Variants in TDRD9 observed in about 807,000 individuals in gnomAD.
The protein encoded by TDRD9 is tudor domain containing 9.
Under a neutral mutation model 172.6 loss-of-function variants are expected in TDRD9, and 124 were observed. The observed-to-expected ratio is 0.72, with a 90% CI of 0.62 to 0.83. The LOEUF is 0.83. Ranked by LOEUF, TDRD9 falls within the 40% of genes least tolerant of loss-of-function variation. The pLI is 0.00. For missense variants in TDRD9, 1,479 were observed against 1,714.1 expected (o/e 0.86, Z 2.42); for synonymous variants, 619 against 617.1 (o/e 1.00, Z -0.05).
At chr14:104,005,104 TTTC>T (rs1015846519) in intron 14 of TDRD9, 167 bp from the exon 15 acceptor site, 2 of 549,228 alleles carry the variant, frequency 3.6e-6, no homozygotes, top group Non-Finnish European at 6.3e-6. Flanking sequence ...TCTCCTGTTC[TTTC>T]TTCTTCTCTC....
chr14:103,997,879 GC>G lies in TDRD9; in HGVS notation c.1379-744del, dbSNP rs1327234034. 1.3e-5 allele frequency among the ~76,000 whole-genome samples: 2 copies of G among 152,208 alleles called. No homozygotes were observed. Among genetic ancestry groups the G allele is most frequent in the Non-Finnish European group, 2.9e-5 (2 of 68,032 alleles). On this transcript the variant is annotated intron_variant, in intron 12 of 35. Transcript: ENST00000409874. The surrounding 1 kb of genome is among the most constrained non-coding windows in gnomAD (Gnocchi z 5.1). ...GCAGCTTTGGTGGAAGCAAGCGTCT[GC>G]TTGGAGTGGGCTCAAGAAAGGATGG...
intron 24 of TDRD9, among the ~76,000 whole-genome samples, chr14:104,022,711 A>G (rs1005168978): frequency 1.4e-5 from 2 of 144,032 alleles, no homozygotes; most frequent in African/African-American, 5.0e-5. Flanking sequence ...TGGGCGACAG[A>G]ACAAGACGCT....
chr14:103,938,495 A>G (rs1382889936), intron 1 of TDRD9, among the ~76,000 whole-genome samples: 8 of 136,384 alleles, frequency 5.9e-5, no homozygotes, highest in African/African-American at 1.6e-4. Flanking sequence ...CTGGAGTGCA[A>G]TGGCGTGATC....
intron 7 of TDRD9, among the ~76,000 whole-genome samples, chr14:103,983,141 G>A (rs2033544142): frequency 7.8e-6 from 1 of 128,554 alleles, no homozygotes; most frequent in Admixed American, 9.5e-5. Flanking sequence ...TCAGCTCATT[G>A]TAACCTCTGC....
intron 1 of TDRD9, among the ~76,000 whole-genome samples, chr14:103,952,726 TC>T (rs1353398922): frequency 9.2e-4 from 100 of 108,434 alleles, no homozygotes; most frequent in Non-Finnish European, 1.4e-3. Flanking sequence ...AGGAATTCTC[TC>T]TCTTTTTTTT....
chr14:103,934,150 G>A (rs1181526515), intron 1 of TDRD9, among the ~76,000 whole-genome samples: 1 of 152,070 alleles, frequency 6.6e-6, no homozygotes, highest in Non-Finnish European at 1.5e-5. Flanking sequence ...CCAAGTAGCT[G>A]GGACTACAGG....
chr14:103,971,347 C>G (rs556781630), intron 6 of TDRD9, among the ~76,000 whole-genome samples: 13 of 151,808 alleles, frequency 8.6e-5, no homozygotes, highest in Non-Finnish European at 7.4e-5. Flanking sequence ...CTCTGTTGCC[C>G]AGGGTGGAGT....
intron 13 of TDRD9, among the ~76,000 whole-genome samples, chr14:104,001,478 C>T (rs2034259719): frequency 6.6e-6 from 1 of 152,142 alleles, no homozygotes; most frequent in South Asian, 2.1e-4. Context: ...GAGGTTTTTC[C>T]AATTCTTGCC....
Position 104,009,233 on chromosome 14 carries a change from T to C in TDRD9, c.2106+767T>C, listed in dbSNP as rs149450915. ...ACATAGAAAAGGTGCGGTAAAAATA[T>C]GGTTATAAAACAGGGTTTCCCAACA... On this transcript the variant is annotated intron_variant, in intron 20 of 35. Transcript: ENST00000409874. Among the ~76,000 whole-genome samples, 1,064 of 152,298 alleles carry C rather than the reference T, an allele frequency of 7.0e-3. 11 individuals are homozygous for C. The highest frequency in any genetic ancestry group is 0.024 in the African/African-American group (1,000 of 41,550).
At chr14:103,935,239 TC>T (rs1279610842) in intron 1 of TDRD9, among the ~76,000 whole-genome samples, 1 of 152,228 alleles carries the variant, frequency 6.6e-6, no homozygotes, top group Non-Finnish European at 1.5e-5. Context: ...GACTGACACA[TC>T]ATTCAAGCAA....
intron 3 of TDRD9, among the ~76,000 whole-genome samples, chr14:103,964,219 G>A (rs1304897076): frequency 1.3e-5 from 2 of 152,016 alleles, no homozygotes; most frequent in African/African-American, 4.8e-5. Flanking sequence ...CTCCAGCCTG[G>A]GTGACAGAGC....
rs10133836 is a variant in TDRD9, at chr14:103,998,700, T to C, written c.1455T>C (p.Ala485=). The change falls in exon 13 of 36, where the codon GCT becomes GCC. Residue 485 remains alanine (A), a synonymous_variant. Transcript: ENST00000409874. ...ATCAGAGTCTGCGATTGAGTTGGGC[T>C]TCTAAAACCAGCTGTAATCAGAGAA... ...TNYQSLRLSW[A]SKTSCNQRKG... The C allele has an allele frequency of 0.99, 1,589,186 of 1,606,306 alleles. 787,558 individuals carry two copies. The highest frequency in any genetic ancestry group is 1 in the East Asian group (44,836 of 44,836).
intron 6 of TDRD9, 21 bp from the exon 7 acceptor site, chr14:103,975,368 A>G (rs377511622): frequency 6.3e-7 from 1 of 1,594,054 alleles, no homozygotes; most frequent in Non-Finnish European, 8.6e-7. Flanking sequence ...TTTTATTTGA[A>G]TGTTTTCTCT....
intron 9 of TDRD9, among the ~76,000 whole-genome samples, chr14:103,992,264 T>C (rs923146014): frequency 1.7e-4 from 26 of 152,216 alleles, no homozygotes; most frequent in African/African-American, 5.1e-4. Context: ...AATTCAAATA[T>C]TTTCTGTTGT....
Position 103,965,419 on chromosome 14 carries a change from C to T in TDRD9, c.507C>T (p.Ile169=). ...SGKSTQLPQY[I]LDHYVQRSAY... ...AAAGCACTCAGCTCCCGCAGTATAT[C>T]TTGGACCACTACGTTCAGCGCTCCG... The change falls in exon 4 of 36, where the codon ATC becomes ATT. Residue 169 remains isoleucine (I), a synonymous_variant. Coordinates refer to ENST00000409874, the MANE Select transcript of TDRD9 (RefSeq NM_153046.3). 6.4e-7 allele frequency: 1 copy of T among 1,551,644 alleles called. No individual in the cohort carries two copies. The highest frequency in any genetic ancestry group is 8.7e-7 in the Non-Finnish European group (1 of 1,147,002).
intron 8 of TDRD9, 129 bp from the exon 9 acceptor site, chr14:103,991,031 A>G: frequency 9.4e-7 from 1 of 1,068,044 alleles, no homozygotes; most frequent in Non-Finnish European, 1.3e-6. Context: ...CTTATGTAAA[A>G]TAAGGAACAT....
chr14:103,998,704 A>C lies in TDRD9; in HGVS notation c.1459A>C (p.Lys487Gln). ...GAGTCTGCGATTGAGTTGGGCTTCT[A>C]AAACCAGCTGTAATCAGAGAAAAGG... ...YQSLRLSWAS[K>Q]TSCNQRKGRA... The change falls in exon 13 of 36, where the codon AAA becomes CAA. Residue 487 changes from lysine to glutamine, a missense_variant. Transcript: ENST00000409874. 1 of 1,593,320 alleles carries C rather than the reference A, an allele frequency of 6.3e-7. No homozygotes were observed. The highest frequency in any genetic ancestry group is 8.6e-7 in the Non-Finnish European group (1 of 1,161,040).
chr14:104,032,484 C>T (rs2035314352), intron 30 of TDRD9, among the ~76,000 whole-genome samples: 1 of 152,176 alleles, frequency 6.6e-6, no homozygotes, highest in Non-Finnish European at 1.5e-5. Context: ...GGATTACAGG[C>T]GTGAGCCACC....
chr14:104,004,805 G>GT lies in TDRD9; in HGVS notation c.1582-467dup, dbSNP rs1413944847. Among the ~76,000 whole-genome samples the GT allele has an allele frequency of 2.0e-5, 3 of 152,206 alleles. No individual in the cohort carries two copies. The East Asian group carries it at 5.8e-4, about 29-fold the overall frequency. On this transcript the variant is annotated intron_variant, in intron 14 of 35. Transcript: ENST00000409874. ...TACACATCAGGCTACTGTCTAGGGCGTTACCCACATTTTACAGTTTTAATG... is the reference window on the plus strand; with the variant it reads ...TACACATCAGGCTACTGTCTAGGGCGTTTACCCACATTTTACAGTTTTAATG...
Sources: gnomAD v4.1 joint callset for allele counts (sites outside exome capture counted in the v4.1 genomes callset) on GRCh38, gnomAD v4.1.1 for gene constraint, Gnocchi (gnomAD v3.1) non-coding constraint, MANE v1.5 for transcripts, NCBI Gene and HGNC (gene_info 2026-07-23, HGNC 2026-07-21) for gene names.